FMN1: variants seen among roughly 807,000 people sequenced by gnomAD.
FMN1 encodes formin 1.
In FMN1, 110 loss-of-function variants were observed where a neutral mutation model predicts 132.4. The observed-to-expected ratio is 0.83, with a 90% CI of 0.71 to 0.97. The LOEUF (loss-of-function observed/expected upper bound fraction) is 0.97. Ranked by LOEUF, FMN1 falls within the 50% of genes least tolerant of loss-of-function variation. The pLI, the probability that FMN1 is intolerant of heterozygous loss-of-function variation, is 0.00. For missense variants in FMN1, 1,792 were observed against 1,705.3 expected (o/e 1.05, Z -0.90); for synonymous variants, 722 against 651.7 (o/e 1.11, Z -1.64).
In FMN1 at chr15:32,900,076, G is replaced by C; in HGVS notation, c.3557C>G (p.Ala1186Gly). 1 of 1,613,700 alleles carries C rather than the reference G, an allele frequency of 6.2e-7. No homozygotes were observed. The highest frequency in any genetic ancestry group is 8.5e-7 in the Non-Finnish European group (1 of 1,179,820). ...SVKDILALIL[A>G]FGNYMNGGNR... ...TCCTCCATTCATATAATTTCCAAAA[G>C]CCAAGATGAGAGCTAAAATATCCTT... Residue 1186 changes from alanine (A) to glycine (G), a missense_variant, in exon 14 of 21, where the codon GCT (alanine) becomes GGT (glycine). This residue lies in a region of FMN1 where 1,150 missense variants were observed against 1,043.1 expected (regional missense o/e 1.10). Coordinates refer to ENST00000616417, the MANE Select transcript of FMN1 (RefSeq NM_001277313.2).
At chr15:33,119,425 A>AT (rs991801196) in intron 4 of FMN1, among the ~76,000 whole-genome samples, 3 of 152,266 alleles carry the variant, frequency 2.0e-5, no homozygotes, top group Non-Finnish European at 2.9e-5. Context: ...AATGTGGGGG[A>AT]TGTGCCTCCC....
intron 5 of FMN1, among the ~76,000 whole-genome samples, chr15:33,072,991 G>T (rs1028669917): frequency 2.0e-5 from 3 of 151,496 alleles, no homozygotes; most frequent in African/African-American, 7.3e-5. Flanking sequence ...AAGAACAATT[G>T]CAATAAAAGG....
intron 6 of FMN1, among the ~76,000 whole-genome samples, chr15:33,013,984 T>G (rs1466664245): frequency 6.6e-6 from 1 of 152,010 alleles, no homozygotes. Context: ...AGGAGACTAC[T>G]GCAAAGCTAA....
chr15:32,956,850 T>C (rs1411338368), intron 9 of FMN1, among the ~76,000 whole-genome samples: 1 of 152,232 alleles, frequency 6.6e-6, no homozygotes, highest in Non-Finnish European at 1.5e-5. Context: ...TATAAATTTA[T>C]GTTCAGGCTT....
intron 17 of FMN1, among the ~76,000 whole-genome samples, chr15:32,843,884 C>T (rs566606922): frequency 6.6e-6 from 1 of 152,188 alleles, no homozygotes. Flanking sequence ...AACTAACTAA[C>T]ATCGCATATT....
chr15:33,114,720 A>AT, intron 4 of FMN1, among the ~76,000 whole-genome samples: 1 of 152,196 alleles, frequency 6.6e-6, no homozygotes, highest in Non-Finnish European at 1.5e-5. Context: ...TATAAACTCC[A>AT]TATTTCTCAT....
At chr15:33,128,853 C>A (rs886228165) in intron 4 of FMN1, among the ~76,000 whole-genome samples, 8 of 152,250 alleles carry the variant, frequency 5.3e-5, no homozygotes, top group African/African-American at 1.9e-4. Context: ...ACAACCGGAG[C>A]AGACTGCAGA....
intron 4 of FMN1, among the ~76,000 whole-genome samples, chr15:33,128,852 G>C (rs536371631): frequency 2.0e-5 from 3 of 152,216 alleles, no homozygotes; most frequent in Non-Finnish European, 4.4e-5. Flanking sequence ...GACAACCGGA[G>C]CAGACTGCAG....
intron 9 of FMN1, among the ~76,000 whole-genome samples, chr15:32,950,480 A>T (rs1023079344): frequency 1.3e-5 from 2 of 152,188 alleles, no homozygotes; most frequent in Non-Finnish European, 2.9e-5. Flanking sequence ...AAAATGTGGT[A>T]CATATACACT....
intron 16 of FMN1, among the ~76,000 whole-genome samples, chr15:32,875,001 A>G (rs1235953906): frequency 4.6e-5 from 7 of 152,236 alleles, no homozygotes; most frequent in African/African-American, 1.4e-4. Flanking sequence ...TGGCAGAGGA[A>G]AAGTTTCTGG....
rs1453591221 is a variant in FMN1 at position 32,772,248 on chromosome 15, G to C, written c.*2062C>G. Reference sequence around the variant, plus strand: ...CCCTGCTTACCTTCACTGATTTCTCGTAAGCATCCTACTTACAGACCAAAG... The same window carrying C: ...CCCTGCTTACCTTCACTGATTTCTCCTAAGCATCCTACTTACAGACCAAAG... On this transcript the variant is annotated 3_prime_UTR_variant, in exon 21 of 21. Coordinates refer to ENST00000616417, the MANE Select transcript of FMN1 (RefSeq NM_001277313.2). 6.6e-6 allele frequency: 1 copy of C among 152,164 alleles called. No homozygotes were observed. The highest frequency in any genetic ancestry group is 6.5e-5 in the Admixed American group (1 of 15,274). The allele number at this position is 152,164 out of a possible 1,614,324, so 9.4% of individuals were successfully genotyped here. A position where few individuals can be genotyped will look rare whatever the true frequency, so the allele number is the denominator to read the frequency against.
intron 6 of FMN1, among the ~76,000 whole-genome samples, chr15:33,051,536 A>C (rs1215023146): frequency 6.6e-6 from 1 of 152,154 alleles, no homozygotes; most frequent in Non-Finnish European, 1.5e-5. Flanking sequence ...AGAGAAAGGC[A>C]GTCTCCCAAT....
chr15:33,007,473 C>G (rs569387474), intron 7 of FMN1, among the ~76,000 whole-genome samples: 22 of 152,178 alleles, frequency 1.4e-4, no homozygotes, highest in Admixed American at 5.9e-4. Flanking sequence ...GGGAAATGAT[C>G]CCTCAGTCAT....
chr15:32,897,180 A>G (rs368270604), intron 15 of FMN1, among the ~76,000 whole-genome samples: 8 of 152,160 alleles, frequency 5.3e-5, no homozygotes, highest in African/African-American at 1.9e-4. Flanking sequence ...TCCCTGGATG[A>G]TTAGTGATGT....
At chr15:32,858,819 A>C (rs2059196566) in intron 16 of FMN1, among the ~76,000 whole-genome samples, 1 of 152,182 alleles carries the variant, frequency 6.6e-6, no homozygotes, top group Non-Finnish European at 1.5e-5. Context: ...TCCTCTCTAC[A>C]ATAACTACTT....
rs535510003 is a variant in FMN1, at chr15:32,856,263, C to T, written c.3928+752G>A. 5.9e-5 allele frequency among the ~76,000 whole-genome samples: 9 copies of T among 152,238 alleles called. No homozygotes were observed. In the East Asian group the frequency reaches 1.4e-3, roughly 23 times the overall value. On this transcript the variant is annotated intron_variant, in intron 17 of 20. Transcript: ENST00000616417. ...ATGTGTGTTTCCTCTAGCTTTCCAG[C>T]AGGGAAAAAAGCTGCCTGCAACAAC...
intron 5 of FMN1, chr15:33,067,033 C>T (rs372708008): frequency 4.2e-5 from 68 of 1,613,928 alleles, no homozygotes; most frequent in East Asian, 6.7e-5. Context: ...TAGCCCCCTT[C>T]TTCAGCACAC....
chr15:33,074,151 G>C (rs1036565453), intron 5 of FMN1, among the ~76,000 whole-genome samples: 4 of 152,172 alleles, frequency 2.6e-5, no homozygotes, highest in Non-Finnish European at 5.9e-5. Flanking sequence ...CCCATCTCCT[G>C]TTCACCCACA....
chr15:32,874,933 C>T (rs2059603918), intron 16 of FMN1, among the ~76,000 whole-genome samples: 1 of 152,140 alleles, frequency 6.6e-6, no homozygotes, highest in Non-Finnish European at 1.5e-5. Flanking sequence ...CAAATTAGCA[C>T]TGTTAGTACA....
Sources: gnomAD v4.1 joint callset for allele counts (sites outside exome capture counted in the v4.1 genomes callset) on GRCh38, gnomAD v4.1.1 for gene constraint, gnomAD v4.1.1 regional missense constraint, MANE v1.5 for transcripts, NCBI Gene and HGNC (gene_info 2026-07-23, HGNC 2026-07-21) for gene names.